Variants in ADAM32 observed in about 807,000 individuals in gnomAD.
The protein encoded by ADAM32 is disintegrin and metalloproteinase domain-containing protein 32.
In ADAM32, 89 loss-of-function variants were observed where a neutral mutation model predicts 114.9. The ratio of observed to expected loss-of-function variants is 0.77; its 90% CI spans 0.65 to 0.92. The LOEUF (loss-of-function observed/expected upper bound fraction) is 0.92. Among genes scored for constraint, ADAM32 ranks in the 40% least tolerant of loss-of-function variants. ADAM32 has a pLI of 0.00. For synonymous variants in ADAM32, 285 were observed against 307.5 expected (o/e 0.93, Z 0.77); for missense variants, 870 against 932.8 (o/e 0.93, Z 0.88).
At chr8:39,109,786 C>G (rs1840079667) in intron 1 of ADAM32, among the ~76,000 whole-genome samples, 1 of 152,096 alleles carries the variant, frequency 6.6e-6, no homozygotes, top group South Asian at 2.1e-4. Context: ...CTCCACATTG[C>G]CCATTCTATG....
Position 39,183,065 on chromosome 8 carries a change from A to T in ADAM32, c.916-3844A>T, listed in dbSNP as rs372444982. Among the ~76,000 whole-genome samples the T allele has an allele frequency of 1.6e-4, 24 of 152,148 alleles. No individual in the cohort carries two copies. In the East Asian group the frequency reaches 2.9e-3, roughly 18 times the overall value. On this transcript the variant is annotated intron_variant, in intron 10 of 24. Transcript: ENST00000379907. Reference sequence around the variant, plus strand: ...GTGGGGATACTGGCTGGGTTCTGTGATTGTTTCTGATGGAGCAGTATTGTA... The same window carrying T: ...GTGGGGATACTGGCTGGGTTCTGTGTTTGTTTCTGATGGAGCAGTATTGTA...
chr8:39,171,638 T>C (rs1016795665), intron 10 of ADAM32, among the ~76,000 whole-genome samples: 2 of 152,108 alleles, frequency 1.3e-5, no homozygotes, highest in African/African-American at 4.8e-5. Context: ...TTTAGTCCTA[T>C]TTAAGAATTT....
intron 12 of ADAM32, among the ~76,000 whole-genome samples, chr8:39,217,792 G>T (rs1342794966): frequency 6.6e-6 from 1 of 152,096 alleles, no homozygotes; most frequent in African/African-American, 2.4e-5. Flanking sequence ...ATGTCTTTGA[G>T]TTTCCTCAAA....
At chr8:39,231,064 T>C (rs958625673) in intron 14 of ADAM32, among the ~76,000 whole-genome samples, 3 of 152,176 alleles carry the variant, frequency 2.0e-5, no homozygotes, top group Admixed American at 2.0e-4. Context: ...TGAATATCAA[T>C]CCTGTGATTA....
chr8:39,214,615 A>G (rs919565383), intron 12 of ADAM32, among the ~76,000 whole-genome samples: 1 of 151,970 alleles, frequency 6.6e-6, no homozygotes, highest in African/African-American at 2.4e-5. Context: ...TAGTTTGCAG[A>G]TATTTCCTCC....
At chr8:39,194,799 A>T (rs888417642) in intron 11 of ADAM32, among the ~76,000 whole-genome samples, 1 of 152,162 alleles carries the variant, frequency 6.6e-6, no homozygotes, top group African/African-American at 2.4e-5. Context: ...CTAGGGCTAA[A>T]GTCTCGTACG....
intron 18 of ADAM32, 95 bp downstream of exon 18, chr8:39,254,611 C>A: frequency 1.2e-6 from 1 of 853,632 alleles, no homozygotes; most frequent in Non-Finnish European, 1.7e-6. Flanking sequence ...TACAAGGCAA[C>A]TGATATTTGT....
At chr8:39,151,642 G>A (rs1803837281) in intron 6 of ADAM32, 94 bp downstream of exon 6, 2 of 806,274 alleles carry the variant, frequency 2.5e-6, no homozygotes, top group African/African-American at 3.7e-5. Flanking sequence ...CTGTAGAATT[G>A]TAGCAAATAT....
chr8:39,227,124 A>T (rs1469682666), intron 14 of ADAM32, among the ~76,000 whole-genome samples: 1 of 152,128 alleles, frequency 6.6e-6, no homozygotes, highest in Non-Finnish European at 1.5e-5. Flanking sequence ...GGACCCACAG[A>T]CCCTCTAAAG....
At chr8:39,146,708 G>T (rs906525413) in intron 3 of ADAM32, among the ~76,000 whole-genome samples, 16 of 152,178 alleles carry the variant, frequency 1.1e-4, no homozygotes, top group Non-Finnish European at 1.6e-4. Flanking sequence ...ACCACGTCCA[G>T]CCTCTTTTAC....
At chr8:39,120,761 C>CAA (rs748561734) in intron 2 of ADAM32, among the ~76,000 whole-genome samples, 1,696 of 99,362 alleles carry the variant, frequency 0.017, 53 homozygotes, top group African/African-American at 0.061. Context: ...GACTCCGTCT[C>CAA]AAAAAAAAAA....
At chr8:39,272,693 T>C (rs1486907471) in intron 20 of ADAM32, among the ~76,000 whole-genome samples, 3 of 152,208 alleles carry the variant, frequency 2.0e-5, no homozygotes, top group Admixed American at 6.5e-5. Context: ...TGAGTGAATG[T>C]GCAGGCCTAG....
intron 19 of ADAM32, among the ~76,000 whole-genome samples, chr8:39,262,967 C>T (rs1812138885): frequency 6.6e-6 from 1 of 152,110 alleles, no homozygotes; most frequent in Non-Finnish European, 1.5e-5. Context: ...CTTGGCTTTG[C>T]AAAGTGCTGG....
chr8:39,185,265 CAAAA>C (rs56073309), intron 10 of ADAM32, among the ~76,000 whole-genome samples: 1 of 121,568 alleles, frequency 8.2e-6, no homozygotes, highest in Non-Finnish European at 1.7e-5. Flanking sequence ...AACTCCATCT[CAAAA>C]AAAAAAAAAA....
intron 2 of ADAM32, among the ~76,000 whole-genome samples, chr8:39,135,327 G>T (rs1411424564): frequency 6.6e-6 from 1 of 152,026 alleles, no homozygotes; most frequent in Non-Finnish European, 1.5e-5. Context: ...CCTTATATTT[G>T]CCATATGCCT....
chr8:39,172,804 C>CAGGT (rs1039421335), intron 10 of ADAM32, among the ~76,000 whole-genome samples: 5 of 152,026 alleles, frequency 3.3e-5, no homozygotes, highest in African/African-American at 1.2e-4. Context: ...AATGAACATA[C>CAGGT]AGGTGCATGT....
rs1042747160 is a variant in ADAM32 at position 39,194,086 on chromosome 8, G to T, written c.1052+7041G>T. On this transcript the variant is annotated intron_variant, in intron 11 of 24. Coordinates refer to ENST00000379907, the MANE Select transcript of ADAM32 (RefSeq NM_145004.7). ...CTTCCATACCAGTGTTTGTAGCAGC[G>T]ATGGTGACAGCATAGCTCAGGGTGG... is the stretch of plus-strand genomic sequence containing the variant. Among the ~76,000 whole-genome samples, 4 of 152,248 alleles carry T rather than the reference G, an allele frequency of 2.6e-5. No homozygotes were observed. In the East Asian group the frequency reaches 7.7e-4, roughly 29 times the overall value.
chr8:39,247,406 G>C (rs1344939073), intron 17 of ADAM32, among the ~76,000 whole-genome samples: 1 of 152,130 alleles, frequency 6.6e-6, no homozygotes, highest in African/African-American at 2.4e-5. Context: ...TAATAGGTGT[G>C]TAGTGGTATT....
chr8:39,147,872 C>T (rs141627665), intron 4 of ADAM32, among the ~76,000 whole-genome samples: 4 of 152,218 alleles, frequency 2.6e-5, no homozygotes, highest in African/African-American at 9.6e-5. Flanking sequence ...CTCCTGGGTT[C>T]AAGTGATTCT....
Sources: allele counts gnomAD v4.1 joint callset (sites outside exome capture counted in the v4.1 genomes callset), GRCh38; gene constraint gnomAD v4.1.1; transcripts MANE v1.5; gene names NCBI Gene and HGNC (gene_info 2026-07-23, HGNC 2026-07-21).